The following ANKRD12 variants were observed in gnomAD, a reference collection of about 807,000 sequenced individuals.
ANKRD12 encodes ankyrin repeat domain-containing protein 12.
Under a neutral mutation model 183.4 loss-of-function variants are expected in ANKRD12, and 85 were observed. The ratio of observed to expected loss-of-function variants is 0.46; its 90% CI spans 0.39 to 0.56. The LOEUF (loss-of-function observed/expected upper bound fraction) is 0.56. ANKRD12 is among the 20% of genes least tolerant of loss of function. The probability of loss-of-function intolerance (pLI) is 0.00; values close to 1 mark genes in which losing one functional copy is unlikely to be tolerated. For missense variants in ANKRD12, 2,405 were observed against 2,357.1 expected (o/e 1.02, Z -0.42); for synonymous variants, 914 against 800.2 (o/e 1.14, Z -2.40).
At position 9,258,839 on chromosome 18, in the gene ANKRD12, C is replaced by G; in HGVS notation, c.5572C>G (p.Pro1858Ala). 2 of 1,613,898 alleles carry G rather than the reference C, an allele frequency of 1.2e-6. No individual in the cohort carries two copies. Among genetic ancestry groups the G allele is most frequent in the Non-Finnish European group, 1.7e-6 (2 of 1,179,832 alleles). Residue 1858 changes from proline to alanine, a missense_variant, in exon 9 of 13, where the codon CCT becomes GCT. Transcript: ENST00000262126. ...ACGCAAATTACTGTGTAGTGTGATTCCTCAAGCACCTCAGTACTATGACGA... is the reference window on the plus strand; with the variant it reads ...ACGCAAATTACTGTGTAGTGTGATTGCTCAAGCACCTCAGTACTATGACGA... The part of the protein sequence containing the change: ...EKRKLLCSVI[P>A]QAPQYYDEYV...
intron 5 of ANKRD12, 72 bp downstream of exon 5, chr18:9,208,875 A>G (rs2035627379): frequency 4.5e-6 from 6 of 1,329,324 alleles, no homozygotes; most frequent in Non-Finnish European, 6.0e-6. Flanking sequence ...CGTCTTAACA[A>G]TTATTTTAAC....
rs1567973646 is a variant in ANKRD12 at position 9,255,766 on chromosome 18, TGAG to T, written c.2500_2502del (p.Glu834del). On this transcript the variant is annotated inframe_deletion, in exon 9 of 13. Coordinates refer to ENST00000262126, the MANE Select transcript of ANKRD12 (RefSeq NM_015208.5). ...GATCTCAAATTAAAGAAAAGGACAT[TGAG>T]AAGATGGAAAGAAAAACCTTTGAAA... 1.3e-6 allele frequency: 2 copies of T among 1,577,894 alleles called. No individual in the cohort carries two copies. Among genetic ancestry groups the T allele is most frequent in the South Asian group, 2.4e-5 (2 of 83,244 alleles).
intron 4 of ANKRD12, among the ~76,000 whole-genome samples, chr18:9,207,207 T>C (rs1038118590): frequency 6.6e-6 from 1 of 152,074 alleles, no homozygotes; most frequent in African/African-American, 2.4e-5. Flanking sequence ...AAAATCTGTT[T>C]AGGGCTTTAT....
At chr18:9,169,452 TTTACCATTCTG>T (rs1382917633) in intron 1 of ANKRD12, among the ~76,000 whole-genome samples, 16 of 152,236 alleles carry the variant, frequency 1.1e-4, no homozygotes, top group Non-Finnish European at 2.1e-4. Context: ...AATTGATCGC[TTTACCATTCTG>T]TAATGGCCTT....
chr18:9,164,013 C>CT (rs1298655646), intron 1 of ANKRD12, among the ~76,000 whole-genome samples: 1 of 152,086 alleles, frequency 6.6e-6, no homozygotes, highest in Non-Finnish European at 1.5e-5. Context: ...ATTGGAATGC[C>CT]TTTATTTCTT....
chr18:9,184,887 C>T (rs1267404620), intron 2 of ANKRD12, among the ~76,000 whole-genome samples: 1 of 152,082 alleles, frequency 6.6e-6, no homozygotes, highest in Non-Finnish European at 1.5e-5. Flanking sequence ...TTGCAGATCT[C>T]CTCAGTTGAT....
intron 1 of ANKRD12, among the ~76,000 whole-genome samples, chr18:9,169,409 A>G (rs1045747215): frequency 1.3e-5 from 2 of 152,162 alleles, no homozygotes; most frequent in African/African-American, 2.4e-5. Flanking sequence ...TATTGGGTGC[A>G]TATATATTTA....
chr18:9,260,638 CA>C (rs1230967477), intron 9 of ANKRD12, among the ~76,000 whole-genome samples: 1 of 152,142 alleles, frequency 6.6e-6, no homozygotes, highest in Non-Finnish European at 1.5e-5. Flanking sequence ...GAGAAGCTGT[CA>C]GGGGAGCGAG....
At chr18:9,244,297 T>C (rs531962570) in intron 8 of ANKRD12, among the ~76,000 whole-genome samples, 3 of 152,178 alleles carry the variant, frequency 2.0e-5, no homozygotes, top group South Asian at 2.1e-4. Flanking sequence ...TCTGGAAAAT[T>C]ATTCAAATAT....
intron 1 of ANKRD12, among the ~76,000 whole-genome samples, chr18:9,142,173 T>G (rs1287210693): frequency 6.6e-6 from 1 of 152,240 alleles, no homozygotes; most frequent in Admixed American, 6.5e-5. Flanking sequence ...TGACTTCTAA[T>G]AGAGAACAAA....
intron 8 of ANKRD12, 100 bp from the exon 9 acceptor site, chr18:9,254,111 T>G: frequency 8.1e-7 from 1 of 1,240,324 alleles, no homozygotes; most frequent in African/African-American, 1.6e-5. Flanking sequence ...GTTTGAAATA[T>G]GTATTGTATA....
intron 5 of ANKRD12, among the ~76,000 whole-genome samples, chr18:9,210,725 C>CAGAAAAAAAAAAAA (rs2035751549): frequency 1.2e-5 from 1 of 84,602 alleles, no homozygotes. Context: ...GACTCTGTCT[C>CAGAAAAAAAAAAAA]AAAAAAAAAA....
intron 12 of ANKRD12, 39 bp downstream of exon 12, chr18:9,279,683 C>A (rs1376200007): frequency 2.5e-6 from 3 of 1,215,362 alleles, no homozygotes; most frequent in South Asian, 2.7e-5. Context: ...GAATGCTTCC[C>A]CCTTCTTAAA....
At chr18:9,157,357 A>G (rs1165825312) in intron 1 of ANKRD12, among the ~76,000 whole-genome samples, 1 of 152,018 alleles carries the variant, frequency 6.6e-6, no homozygotes. Flanking sequence ...GCCCAGCATC[A>G]CAAGAGAGTA....
At chr18:9,204,710 A>G (rs1012611042) in intron 4 of ANKRD12, among the ~76,000 whole-genome samples, 166 bp downstream of exon 4, 9 of 152,202 alleles carry the variant, frequency 5.9e-5, no homozygotes, top group Non-Finnish European at 1.3e-4. Flanking sequence ...GCTCCTAGGT[A>G]CTCAGTGTAT....
Position 9,257,236 on chromosome 18 carries a change from C to T in ANKRD12, c.3969C>T (p.Phe1323=), listed in dbSNP as rs2038689019. Reference sequence around the variant, plus strand: ...TCATTTGTGAACATACCAAACAATTCCAAACAATATCAGAAGAGAGCAATC... The same window carrying T: ...TCATTTGTGAACATACCAAACAATTTCAAACAATATCAGAAGAGAGCAATC... The part of the protein sequence containing the change: ...PSVICEHTKQ[F]QTISEESNQG... The change falls in exon 9 of 13, where the codon TTC becomes TTT. Residue 1323 remains phenylalanine (F), a synonymous_variant. Coordinates refer to ENST00000262126, the MANE Select transcript of ANKRD12 (RefSeq NM_015208.5). 1 of 1,614,102 alleles carries T rather than the reference C, an allele frequency of 6.2e-7. No individual in the cohort carries two copies. Among genetic ancestry groups the T allele is most frequent in the Non-Finnish European group, 8.5e-7 (1 of 1,180,000 alleles).
chr18:9,256,889 T>G lies in ANKRD12; in HGVS notation c.3622T>G (p.Ser1208Ala). 2 of 1,613,960 alleles carry G rather than the reference T, an allele frequency of 1.2e-6. No homozygotes were observed. Among genetic ancestry groups the G allele is most frequent in the Non-Finnish European group, 8.5e-7 (1 of 1,179,958 alleles). Residue 1208 changes from serine (S) to alanine (A), a missense_variant, in exon 9 of 13, where the codon TCT becomes GCT. By Grantham distance (99) the Ser-to-Ala change is moderately conservative (BLOSUM62 1). Transcript: ENST00000262126. ...GLSSRSVSMI[S>A]VASSEDSCHT... Reference sequence around the variant, plus strand: ...CAGCTCCAGATCTGTATCCATGATTTCTGTTGCTAGTTCAGAAGATTCCTG... The same window carrying G: ...CAGCTCCAGATCTGTATCCATGATTGCTGTTGCTAGTTCAGAAGATTCCTG...
chr18:9,242,477 T>C (rs966609460), intron 8 of ANKRD12, among the ~76,000 whole-genome samples: 2 of 151,474 alleles, frequency 1.3e-5, no homozygotes, highest in Admixed American at 6.6e-5. Context: ...AAAAAATGAG[T>C]TCAGCTTTAG....
At chr18:9,141,642 C>T (rs533229777) in intron 1 of ANKRD12, among the ~76,000 whole-genome samples, 1 of 152,164 alleles carries the variant, frequency 6.6e-6, no homozygotes, top group Admixed American at 6.5e-5. Flanking sequence ...TTTTCTTTGG[C>T]TTTAAAAAAA....
Sources: allele counts gnomAD v4.1 joint callset (sites outside exome capture counted in the v4.1 genomes callset), GRCh38; gene constraint gnomAD v4.1.1; transcripts MANE v1.5; gene names NCBI Gene and HGNC (gene_info 2026-07-23, HGNC 2026-07-21).